The following CACNB4 variants were observed in gnomAD, a reference collection of about 807,000 sequenced individuals.
CACNB4 encodes the protein voltage-dependent L-type calcium channel subunit beta-4.
In CACNB4, 32 loss-of-function variants were observed where a neutral mutation model predicts 71.2. The observed-to-expected ratio is 0.45, with a 90% CI of 0.34 to 0.60. CACNB4 has a LOEUF of 0.60. Among genes scored for constraint, CACNB4 ranks in the 20% least tolerant of loss-of-function variants. The pLI is 0.01. For synonymous variants in CACNB4, 231 were observed against 236.9 expected, an observed-to-expected ratio of 0.97 and a Z score of 0.23; for missense variants, 464 against 647.9, an observed-to-expected ratio of 0.72 and a Z score of 3.08.
At chr2:151,936,209 A>G (rs1370995327) in intron 2 of CACNB4, 1 of 152,224 alleles carries the variant, frequency 6.6e-6, no homozygotes, top group Non-Finnish European at 1.5e-5. Context: ...AGCCCACCTT[A>G]ATTTCCCAAG....
chr2:151,841,865 T>A, intron 13 of CACNB4, 38 bp downstream of exon 13: 1 of 1,574,942 alleles, frequency 6.3e-7, no homozygotes, highest in South Asian at 1.1e-5. Flanking sequence ...ATTTTACATG[T>A]AAGGTTGTAA....
At chr2:152,036,418 G>A (rs1006372546) in intron 2 of CACNB4, among the ~76,000 whole-genome samples, 10 of 152,086 alleles carry the variant, frequency 6.6e-5, no homozygotes, top group African/African-American at 9.7e-5. Context: ...TCTTGCCTCC[G>A]CCTCCCAAGT....
intron 2 of CACNB4, among the ~76,000 whole-genome samples, chr2:152,002,684 G>T (rs937695181): frequency 6.6e-6 from 1 of 152,150 alleles, no homozygotes; most frequent in African/African-American, 2.4e-5. Context: ...GTTGCTGTAA[G>T]AATTCAATGT....
intron 2 of CACNB4, among the ~76,000 whole-genome samples, chr2:152,010,128 G>A (rs1319197251): frequency 6.6e-6 from 1 of 152,180 alleles, no homozygotes; most frequent in Non-Finnish European, 1.5e-5. Context: ...TCTAACAGGG[G>A]TGACTTCTTT....
Position 152,079,853 on chromosome 2 carries a change from A to G in CACNB4, c.147+18477T>C, listed in dbSNP as rs75593283. Among the ~76,000 whole-genome samples, 456 of 152,238 alleles carry G rather than the reference A, an allele frequency of 3.0e-3. 1 individual carries two copies. Among genetic ancestry groups the G allele is most frequent in the African/African-American group, 0.011 (439 of 41,546 alleles). On this transcript the variant is annotated intron_variant, in intron 2 of 13. Coordinates refer to ENST00000539935, the MANE Select transcript of CACNB4 (RefSeq NM_000726.5). Reference sequence around the variant, plus strand: ...ATCAGACCAGAAAAGTACATCCATCACCTAGAGTTCTGAAAAAGGCTGATG... The same window carrying G: ...ATCAGACCAGAAAAGTACATCCATCGCCTAGAGTTCTGAAAAAGGCTGATG...
At chr2:152,083,722 C>A (rs1362559125) in intron 2 of CACNB4, among the ~76,000 whole-genome samples, 1 of 152,172 alleles carries the variant, frequency 6.6e-6, no homozygotes, top group Admixed American at 6.5e-5. Flanking sequence ...TGTTTGCTTG[C>A]AATGAAAAGA....
At chr2:152,068,822 C>T (rs1686493961) in intron 2 of CACNB4, among the ~76,000 whole-genome samples, 1 of 152,144 alleles carries the variant, frequency 6.6e-6, no homozygotes, top group South Asian at 2.1e-4. Flanking sequence ...TTCACAGAGG[C>T]TATAAAAAAG....
rs537634710 is a variant in CACNB4, at chr2:151,834,142, C to T, written c.*4977G>A. ...GAAATTTAAGTGTTCAAAACATAAC[C>T]AAGAACACTTATCAGGTATTGAAAA... is the stretch of plus-strand genomic sequence containing the variant. On this transcript the variant is annotated 3_prime_UTR_variant, in exon 14 of 14. Transcript: ENST00000539935. 1 of 151,936 alleles carries T rather than the reference C, an allele frequency of 6.6e-6. No homozygotes were observed. Among genetic ancestry groups the T allele is most frequent in the African/African-American group, 2.4e-5 (1 of 41,390 alleles). The allele number at this position is 151,936 out of a possible 1,614,324, so 9.4% of individuals were successfully genotyped here.
At position 151,925,648 on chromosome 2, in the gene CACNB4, A is replaced by G. The variant is rs533375025; in HGVS notation, c.148-42278T>C. On this transcript the variant is annotated intron_variant, in intron 2 of 13. Coordinates refer to ENST00000539935, the MANE Select transcript of CACNB4 (RefSeq NM_000726.5). ...GGAGTAGGGTGGATAGGTTGTTTGT[A>G]GGATTTGCAAACATCCAAATATAGG... 7.8e-5 allele frequency among the ~76,000 whole-genome samples: 10 copies of G among 127,716 alleles called. No individual in the cohort carries two copies. In the East Asian group the frequency reaches 2.4e-3, roughly 30 times the overall value. The allele number at this position is 127,716 out of a possible 152,430, so 83.8% of individuals were successfully genotyped here.
intron 2 of CACNB4, among the ~76,000 whole-genome samples, chr2:151,898,685 T>C (rs1279470597): frequency 3.3e-5 from 5 of 152,248 alleles, no homozygotes; most frequent in Non-Finnish European, 7.3e-5. Context: ...ATAATTCCTA[T>C]TTTAAAGCTA....
chr2:152,051,376 A>G (rs1179150233), intron 2 of CACNB4, among the ~76,000 whole-genome samples: 23 of 152,192 alleles, frequency 1.5e-4, no homozygotes, highest in Admixed American at 1.5e-3. Context: ...CCAGTTTTAG[A>G]TTATTTTAAT....
At chr2:151,997,242 G>A (rs1682098553) in intron 2 of CACNB4, among the ~76,000 whole-genome samples, 1 of 152,160 alleles carries the variant, frequency 6.6e-6, no homozygotes, top group Non-Finnish European at 1.5e-5. Context: ...GTCCTTATAA[G>A]AGACAAAGGG....
At chr2:151,867,538 T>C (rs181060066) in intron 9 of CACNB4, 144 of 152,356 alleles carry the variant, frequency 9.5e-4, no homozygotes, top group African/African-American at 2.8e-3. Context: ...TTTAACTTAT[T>C]TTCTTTGAAG....
chr2:151,929,017 TG>T (rs993577204), intron 2 of CACNB4, among the ~76,000 whole-genome samples: 3 of 152,204 alleles, frequency 2.0e-5, no homozygotes, highest in African/African-American at 7.2e-5. Flanking sequence ...AAGCTGGCTT[TG>T]GTCTCTAACT....
chr2:151,940,308 C>T (rs184333093), intron 2 of CACNB4, among the ~76,000 whole-genome samples: 1 of 152,180 alleles, frequency 6.6e-6, no homozygotes, highest in African/African-American at 2.4e-5. Context: ...AGAATCTCCC[C>T]CAAAGAGGAA....
At chr2:152,034,706 G>A (rs532411462) in intron 2 of CACNB4, among the ~76,000 whole-genome samples, 1 of 152,190 alleles carries the variant, frequency 6.6e-6, no homozygotes, top group East Asian at 1.9e-4. Context: ...GATGGCATCC[G>A]ATACAGAGTT....
intron 2 of CACNB4, among the ~76,000 whole-genome samples, chr2:152,013,615 C>G (rs1242911123): frequency 6.6e-6 from 1 of 152,122 alleles, no homozygotes; most frequent in African/African-American, 2.4e-5. Context: ...AGCACGAGAT[C>G]CTGCACAAAA....
At chr2:151,993,616 G>A (rs1258499802) in intron 2 of CACNB4, among the ~76,000 whole-genome samples, 2 of 148,748 alleles carry the variant, frequency 1.3e-5, no homozygotes, top group Non-Finnish European at 3.0e-5. Context: ...CCAGGCTGGA[G>A]TGCAGTAGCA....
chr2:152,097,756 A>G (rs891266287), intron 2 of CACNB4, among the ~76,000 whole-genome samples: 2 of 152,188 alleles, frequency 1.3e-5, no homozygotes, highest in African/African-American at 4.8e-5. Context: ...GTTAATTCCT[A>G]TTTAACCAGA....
Sources: allele counts gnomAD v4.1 joint callset (sites outside exome capture counted in the v4.1 genomes callset), GRCh38; gene constraint gnomAD v4.1.1; transcripts MANE v1.5; gene names NCBI Gene and HGNC (gene_info 2026-07-23, HGNC 2026-07-21).